The following PDLIM5 variants were observed in gnomAD, a reference collection of about 807,000 sequenced individuals.
PDLIM5 encodes PDZ and LIM domain protein 5.
A neutral mutation model predicts 64.2 loss-of-function variants in PDLIM5; 34 were observed. That is an observed-to-expected ratio of 0.53 (90% CI 0.40 to 0.71). The LOEUF is 0.71. Among genes scored for constraint, PDLIM5 ranks in the 30% least tolerant of loss-of-function variants. The pLI, the probability that PDLIM5 is intolerant of heterozygous loss-of-function variation, is 0.00. For synonymous variants in PDLIM5, 253 were observed against 269.1 expected, an observed-to-expected ratio of 0.94 and a Z score of 0.59; for missense variants, 683 against 733.6, an observed-to-expected ratio of 0.93 and a Z score of 0.80.
Position 94,511,598 on chromosome 4 carries a change from A to AACAC in PDLIM5, c.97-12105_97-12102dup, listed in dbSNP as rs58356643. Among the ~76,000 whole-genome samples, 3 of 149,564 alleles carry AACAC rather than the reference A, an allele frequency of 2.0e-5. 1 individual carries two copies. Among genetic ancestry groups the AACAC allele is most frequent in the Middle Eastern group, 6.8e-3 (2 of 294 alleles). On this transcript the variant is annotated intron_variant, in intron 2 of 12. Transcript: ENST00000317968. The stretch of plus-strand genomic sequence containing the variant: ...TTTTTACTCATCAGACATCCCCCCC[A>AACAC]ACACACACACACACACACACACACC...
At position 94,457,768 on chromosome 4, in the gene PDLIM5, T is replaced by A. The variant is rs1056602240; in HGVS notation, c.96+2384T>A. Reference sequence around the variant, plus strand: ...GATGCTGATACAACAGAACACTGTGTACATACATATGTGCCCTCCCCTGGC... The same window carrying A: ...GATGCTGATACAACAGAACACTGTGAACATACATATGTGCCCTCCCCTGGC... On this transcript the variant is annotated intron_variant, in intron 2 of 12. Coordinates refer to ENST00000317968, the MANE Select transcript of PDLIM5 (RefSeq NM_006457.5). Among the ~76,000 whole-genome samples, 10 of 152,258 alleles carry A rather than the reference T, an allele frequency of 6.6e-5. No individual in the cohort carries two copies. In the South Asian group the frequency reaches 8.3e-4, roughly 13 times the overall value.
intron 3 of PDLIM5, among the ~76,000 whole-genome samples, chr4:94,565,246 T>C (rs1346961509): frequency 3.3e-5 from 5 of 152,056 alleles, no homozygotes; most frequent in African/African-American, 9.7e-5. Context: ...AATATAAGGG[T>C]GTTTGTTTGT....
chr4:94,587,422 G>A (rs1400769211), intron 7 of PDLIM5: 2 of 1,026,196 alleles, frequency 1.9e-6, no homozygotes, highest in Non-Finnish European at 2.3e-6. Flanking sequence ...GGTTGAAGCA[G>A]AGGATAATGA....
chr4:94,532,708 G>C (rs1240534528), intron 3 of PDLIM5, among the ~76,000 whole-genome samples: 1 of 152,096 alleles, frequency 6.6e-6, no homozygotes. Context: ...GCCTCCAACA[G>C]TTTTAGGGGC....
rs571706984 is a variant in PDLIM5, at chr4:94,582,873, T to A, written c.711-2692T>A. 1.1e-3 allele frequency: 696 copies of A among 619,534 alleles called. 4 individuals carry two copies. Among genetic ancestry groups the A allele is most frequent in the South Asian group, 2.2e-3 (108 of 49,128 alleles). The allele number at this position is 619,534 out of a possible 1,614,324, so 38.4% of individuals were successfully genotyped here. On this transcript the variant is annotated intron_variant, in intron 5 of 12. Coordinates refer to ENST00000317968, the MANE Select transcript of PDLIM5 (RefSeq NM_006457.5). ...AATGTTAAGGAGCATAAGAAGCATT[T>A]TTTTTTATGCTAGATAATTTTGTAT...
chr4:94,466,185 C>T (rs1265410442), intron 2 of PDLIM5, among the ~76,000 whole-genome samples: 1 of 152,144 alleles, frequency 6.6e-6, no homozygotes, highest in African/African-American at 2.4e-5. Flanking sequence ...CCAGGCTGAT[C>T]TGTAACTCCT....
In PDLIM5 at chr4:94,657,418, C is replaced by G. The variant is rs778726652; in HGVS notation, c.1465-9C>G. On this transcript the variant is annotated splice_polypyrimidine_tract_variant and intron_variant, in intron 10 of 12. Coordinates refer to ENST00000317968, the MANE Select transcript of PDLIM5 (RefSeq NM_006457.5). The stretch of plus-strand genomic sequence containing the variant: ...TCTTTTTTTACATCCAATTACCTTT[C>G]TGTAACAGGAAGTCATCAGTGCGTT... 6.4e-7 allele frequency: 1 copy of G among 1,569,892 alleles called. No individual in the cohort carries two copies.
At chr4:94,509,734 C>G (rs1454769379) in intron 2 of PDLIM5, among the ~76,000 whole-genome samples, 2 of 151,836 alleles carry the variant, frequency 1.3e-5, no homozygotes, top group African/African-American at 4.8e-5. Context: ...TGTTTGAGGG[C>G]AAGAAGAATG....
At chr4:94,549,400 A>T (rs1732603767) in intron 3 of PDLIM5, among the ~76,000 whole-genome samples, 1 of 152,196 alleles carries the variant, frequency 6.6e-6, no homozygotes, top group Non-Finnish European at 1.5e-5. Context: ...TCTAAAGGGA[A>T]TGGTTATACC....
chr4:94,625,223 C>T (rs774356815), intron 8 of PDLIM5, among the ~76,000 whole-genome samples: 1 of 152,124 alleles, frequency 6.6e-6, no homozygotes, highest in Non-Finnish European at 1.5e-5. Context: ...CAGTTTATAG[C>T]ATATTAGAAT....
At chr4:94,630,351 A>G (rs1332999710) in intron 8 of PDLIM5, among the ~76,000 whole-genome samples, 1 of 152,004 alleles carries the variant, frequency 6.6e-6, no homozygotes, top group Non-Finnish European at 1.5e-5. Context: ...CAGGGGGAGT[A>G]TTAGTATCCA....
At chr4:94,546,751 A>G (rs1732357953) in intron 3 of PDLIM5, among the ~76,000 whole-genome samples, 1 of 152,206 alleles carries the variant, frequency 6.6e-6, no homozygotes, top group East Asian at 1.9e-4. Flanking sequence ...GGGATATTAA[A>G]TTTTTTAACG....
intron 2 of PDLIM5, among the ~76,000 whole-genome samples, chr4:94,490,830 A>C (rs1420653405): frequency 6.6e-6 from 1 of 152,190 alleles, no homozygotes; most frequent in Non-Finnish European, 1.5e-5. Context: ...TAAGTAATTC[A>C]ATAAATTAAT....
chr4:94,589,755 TCTTTC>T (rs1430140780), intron 7 of PDLIM5, among the ~76,000 whole-genome samples: 2 of 135,574 alleles, frequency 1.5e-5, no homozygotes, highest in East Asian at 4.5e-4. Context: ...TCTTTTCTTT[TCTTTC>T]CTTTTCCTTC....
chr4:94,500,271 C>A (rs951858232), intron 2 of PDLIM5, among the ~76,000 whole-genome samples: 33 of 152,130 alleles, frequency 2.2e-4, no homozygotes, highest in African/African-American at 7.5e-4. Flanking sequence ...AGTTTCTGCA[C>A]CTGTTAGCAA....
At chr4:94,536,319 A>T (rs1458751796) in intron 3 of PDLIM5, among the ~76,000 whole-genome samples, 2 of 152,216 alleles carry the variant, frequency 1.3e-5, no homozygotes, top group African/African-American at 4.8e-5. Flanking sequence ...TTAGCAGATT[A>T]AAAGGAGCCT....
intron 3 of PDLIM5, among the ~76,000 whole-genome samples, chr4:94,567,055 A>T (rs181681147): frequency 0.012 from 1,792 of 152,302 alleles, 16 homozygotes; most frequent in Middle Eastern, 0.034. Context: ...GTGCAGTGGC[A>T]CAACCTCGGC....
At chr4:94,541,035 C>T (rs767529826) in intron 3 of PDLIM5, among the ~76,000 whole-genome samples, 1 of 152,180 alleles carries the variant, frequency 6.6e-6, no homozygotes, top group Non-Finnish European at 1.5e-5. Flanking sequence ...GTGTATACTT[C>T]ATCTTCCTTC....
chr4:94,528,778 A>G (rs1420236077), intron 3 of PDLIM5, among the ~76,000 whole-genome samples: 1 of 152,218 alleles, frequency 6.6e-6, no homozygotes, highest in African/African-American at 2.4e-5. Flanking sequence ...GTGTGGATAT[A>G]TTACACGGAA....
Sources: gnomAD v4.1 joint callset for allele counts (sites outside exome capture counted in the v4.1 genomes callset) on GRCh38, gnomAD v4.1.1 for gene constraint, MANE v1.5 for transcripts, NCBI Gene and HGNC (gene_info 2026-07-23, HGNC 2026-07-21) for gene names.